UTP4: variants seen among roughly 807,000 people sequenced by gnomAD.
UTP4 encodes the protein U3 small nucleolar RNA-associated protein 4 homolog.
A neutral mutation model predicts 82.4 loss-of-function variants in UTP4; 45 were observed. That is an observed-to-expected ratio of 0.55 (90% CI 0.43 to 0.70). The LOEUF is 0.70. UTP4 is among the 30% of genes least tolerant of loss of function. UTP4 has a pLI of 0.00. For missense variants in UTP4, 819 were observed against 858.3 expected (o/e 0.95, Z 0.57); for synonymous variants, 348 against 300.3 (o/e 1.16, Z -1.64).
At chr16:69,138,324 G>A (rs540389811) in intron 4 of UTP4, among the ~76,000 whole-genome samples, 4 of 149,040 alleles carry the variant, frequency 2.7e-5, no homozygotes, top group African/African-American at 7.4e-5. Context: ...TGTAATCTCC[G>A]CCTCCCGGCT....
At chr16:69,136,234 A>G (rs978064427) in intron 2 of UTP4, among the ~76,000 whole-genome samples, 1 of 152,194 alleles carries the variant, frequency 6.6e-6, no homozygotes, top group Non-Finnish European at 1.5e-5. Flanking sequence ...CTTGATAGCT[A>G]CGAAAACTTT....
rs568271818 is a variant in UTP4 at position 69,140,630 on chromosome 16, C to G, written c.526+716C>G. 1.3e-3 allele frequency among the ~76,000 whole-genome samples: 199 copies of G among 152,110 alleles called. 1 individual carries two copies. The highest frequency in any genetic ancestry group is 4.7e-3 in the African/African-American group (194 of 41,504). On this transcript the variant is annotated intron_variant, in intron 5 of 16. Transcript: ENST00000314423. Reference sequence around the variant, plus strand: ...TCAGGAAGCTGAGGCAGGAGAATCGCCCCATTGCACTCCAGCCTGACAACA... The same window carrying G: ...TCAGGAAGCTGAGGCAGGAGAATCGGCCCATTGCACTCCAGCCTGACAACA...
At chr16:69,132,826 T>C in intron 1 of UTP4, 137 bp downstream of exon 1, 1 of 216,798 alleles carries the variant, frequency 4.6e-6, no homozygotes, top group Non-Finnish European at 9.4e-6. Context: ...GGGGCTACTC[T>C]GTAGACTCGG....
intron 14 of UTP4, among the ~76,000 whole-genome samples, chr16:69,163,920 C>T (rs1963631225): frequency 7.0e-6 from 1 of 143,310 alleles, no homozygotes; most frequent in African/African-American, 2.6e-5. Context: ...GAGTCTCGCT[C>T]TGTCGCCCAG....
Position 69,163,175 on chromosome 16 carries a change from G to A in UTP4, c.1644G>A (p.Gln548=). The change falls in exon 14 of 17, where the codon CAG becomes CAA. Residue 548 remains glutamine (Q), a synonymous_variant. Transcript: ENST00000314423. The part of the protein sequence containing the change: ...TNNLVIAHSD[Q]QVFEYSIPDK... ...ACCTTGTCATCGCTCATTCGGACCA[G>A]CAGGTAAGGGAGATTCCAGTGCTTT... 1.2e-6 allele frequency: 2 copies of A among 1,610,724 alleles called. No individual in the cohort carries two copies. Among genetic ancestry groups the A allele is most frequent in the African/African-American group, 2.7e-5 (2 of 74,970 alleles).
intron 12 of UTP4, among the ~76,000 whole-genome samples, chr16:69,159,656 C>T (rs1323094821): frequency 1.3e-5 from 2 of 151,622 alleles, no homozygotes; most frequent in Non-Finnish European, 2.9e-5. Flanking sequence ...CCACTGCACT[C>T]CAGCCTGACA....
chr16:69,144,928 G>C (rs1963067030), intron 6 of UTP4, among the ~76,000 whole-genome samples: 1 of 152,124 alleles, frequency 6.6e-6, no homozygotes, highest in Non-Finnish European at 1.5e-5. Context: ...GATCACCTGA[G>C]GTCAGGAGTT....
intron 8 of UTP4, among the ~76,000 whole-genome samples, chr16:69,151,141 G>A (rs1458189363): frequency 6.6e-6 from 1 of 151,734 alleles, no homozygotes; most frequent in African/African-American, 2.4e-5. Flanking sequence ...CGAGTAGCTG[G>A]GATTACAGGC....
chr16:69,136,129 T>TTAA lies in UTP4; in HGVS notation c.160-566_160-564dup, dbSNP rs1422815577. 2.6e-5 allele frequency among the ~76,000 whole-genome samples: 4 copies of TTAA among 152,398 alleles called. No homozygotes were observed. The South Asian group carries it at 8.3e-4, about 32-fold the overall frequency. ...GACTTTGGCACTTTTGGCAACCTAC[T>TTAA]TAACCCATGTATATCTTGGCCTTTT... On this transcript the variant is annotated intron_variant, in intron 2 of 16. Transcript: ENST00000314423.
At chr16:69,166,997 C>A in intron 15 of UTP4, 78 bp from the exon 16 acceptor site, 1 of 967,878 alleles carries the variant, frequency 1.0e-6, no homozygotes, top group Non-Finnish European at 1.7e-6. Context: ...ATGTTGGGCT[C>A]AAAATGCACT....
At chr16:69,158,811 A>G (rs1034660566) in intron 12 of UTP4, among the ~76,000 whole-genome samples, 9 of 152,196 alleles carry the variant, frequency 5.9e-5, no homozygotes, top group African/African-American at 1.2e-4. Context: ...CAGCTGGGTT[A>G]TGCTTGTTAT....
chr16:69,154,704 T>TTTTATTTATTTA lies in UTP4; in HGVS notation c.1164+275_1164+286dup, dbSNP rs34852514. On this transcript the variant is annotated intron_variant, in intron 10 of 16. Coordinates refer to ENST00000314423, the MANE Select transcript of UTP4 (RefSeq NM_032830.3). ...TGATATTATTATGAAAATAATGTGCTTTTATTTATTTATTTATTTATTTAT... is the reference window on the plus strand; with the variant it reads ...TGATATTATTATGAAAATAATGTGCTTTTATTTATTTATTTATTTATTTATTTATTTATTTAT... Among the ~76,000 whole-genome samples, 1,095 of 147,092 alleles carry TTTTATTTATTTA rather than the reference T, an allele frequency of 7.4e-3. 12 individuals are homozygous for TTTTATTTATTTA. Among genetic ancestry groups the TTTTATTTATTTA allele is most frequent in the African/African-American group, 0.019 (743 of 40,088 alleles).
At chr16:69,157,509 A>G (rs1226920555) in intron 12 of UTP4, among the ~76,000 whole-genome samples, 1 of 152,194 alleles carries the variant, frequency 6.6e-6, no homozygotes, top group Non-Finnish European at 1.5e-5. Flanking sequence ...TTAGTTTGTT[A>G]GCAGAACAAG....
At position 69,160,350 on chromosome 16, in the gene UTP4, T is replaced by G; in HGVS notation, c.1445-6T>G. 6.2e-7 allele frequency: 1 copy of G among 1,611,746 alleles called. No individual in the cohort carries two copies. The highest frequency in any genetic ancestry group is 8.5e-7 in the Non-Finnish European group (1 of 1,177,744). On this transcript the variant is annotated splice_region_variant and splice_polypyrimidine_tract_variant and intron_variant, in intron 12 of 16. Coordinates refer to ENST00000314423, the MANE Select transcript of UTP4 (RefSeq NM_032830.3). The stretch of plus-strand genomic sequence containing the variant: ...ATTCAGAGATGTAACTGTTTTGTCC[T>G]CACAGGAACAGTGGAGGCCATGTGT...
At chr16:69,145,604 T>A (rs978094422) in intron 6 of UTP4, among the ~76,000 whole-genome samples, 3 of 151,998 alleles carry the variant, frequency 2.0e-5, no homozygotes, top group African/African-American at 7.3e-5. Context: ...ACTGTGTCGT[T>A]GGAGGTGGGG....
At chr16:69,167,835 G>A (rs1170817487) in intron 16 of UTP4, 1 of 142,494 alleles carries the variant, frequency 7.0e-6, no homozygotes, top group African/African-American at 2.7e-5. Context: ...GTGAGACCCT[G>A]TCTCTACAAA....
intron 14 of UTP4, among the ~76,000 whole-genome samples, chr16:69,163,880 G>GTTTTTTTTTTTTTTTTTTT (rs201368311): frequency 1.5e-5 from 2 of 132,600 alleles, no homozygotes; most frequent in African/African-American, 5.8e-5. Context: ...TTGATGGTCA[G>GTTTTTTTTTTTTTTTTTTT]TTTGTTTTTT....
chr16:69,154,691 G>GA (rs1963362312), intron 10 of UTP4, among the ~76,000 whole-genome samples: 1 of 150,298 alleles, frequency 6.7e-6, no homozygotes, highest in African/African-American at 2.5e-5. Context: ...ATATTATTAT[G>GA]AAAATAATGT....
chr16:69,133,293 T>G (rs774224105), intron 1 of UTP4, among the ~76,000 whole-genome samples, 165 bp from the exon 2 acceptor site: 2 of 152,106 alleles, frequency 1.3e-5, no homozygotes, highest in Non-Finnish European at 2.9e-5. Context: ...TTTTGAAGAT[T>G]GAGTAATTCT....
Sources: allele counts gnomAD v4.1 joint callset (sites outside exome capture counted in the v4.1 genomes callset), GRCh38; gene constraint gnomAD v4.1.1; transcripts MANE v1.5; gene names NCBI Gene and HGNC (gene_info 2026-07-23, HGNC 2026-07-21).